The following LOC728743 variants were observed in gnomAD, a reference collection of about 807,000 sequenced individuals.
the LOC728743 span, chr7:150,404,376 T>C: frequency 6.6e-6 from 1 of 152,228 alleles, no homozygotes; most frequent in Non-Finnish European, 1.5e-5. Flanking sequence ...GAACACAAGC[T>C]GGGCCACGGT....
the LOC728743 span, chr7:150,410,465 G>A: frequency 2.8e-6 from 1 of 352,944 alleles, no homozygotes; most frequent in South Asian, 1.5e-4. Context: ...ACTGGTGGTA[G>A]GACGATGCCT....
chr7:150,403,734 T>C, the LOC728743 span, among the ~76,000 whole-genome samples: 3 of 151,964 alleles, frequency 2.0e-5, no homozygotes, highest in East Asian at 5.8e-4. This position sits in a 1 kb window ranked among gnomAD's most constrained non-coding sequence, Gnocchi z 5.1. Context: ...CCGTGGGACG[T>C]GGAACTCCTA....
At chr7:150,405,294 G>T in the LOC728743 span, 3 of 152,276 alleles carry the variant, frequency 2.0e-5, no homozygotes, top group Non-Finnish European at 2.9e-5. Context: ...CAGCGGAGAC[G>T]GAAGGCTCGG....
chr7:150,404,130 GGA>G, the LOC728743 span, among the ~76,000 whole-genome samples: 2 of 152,344 alleles, frequency 1.3e-5, no homozygotes, highest in African/African-American at 4.8e-5. Context: ...CCTGGGCCTT[GGA>G]GAGAGAGTCG....
the LOC728743 span, among the ~76,000 whole-genome samples, chr7:150,401,605 T>A: frequency 6.6e-6 from 1 of 152,172 alleles, no homozygotes. Flanking sequence ...GAGAGGGAAA[T>A]GAATGGACTC....
the LOC728743 span, among the ~76,000 whole-genome samples, chr7:150,401,653 C>A: frequency 6.6e-6 from 1 of 152,188 alleles, no homozygotes; most frequent in Non-Finnish European, 1.5e-5. Flanking sequence ...AGAACAGCCT[C>A]TTTTGGGTTG....
chr7:150,403,442 C>T, the LOC728743 span, among the ~76,000 whole-genome samples: 2 of 152,202 alleles, frequency 1.3e-5, no homozygotes, highest in African/African-American at 4.8e-5. The surrounding 1 kb of genome is among the most constrained non-coding windows in gnomAD (Gnocchi z 5.1). Flanking sequence ...CATCCTCAGG[C>T]ATATTATTGA....
the LOC728743 span, chr7:150,410,639 CT>C: frequency 0.25 from 39,476 of 157,218 alleles, 5,134 homozygotes; most frequent in East Asian, 0.39. Context: ...CTTCATTTTC[CT>C]TTCTGAGCAG....
the LOC728743 span, among the ~76,000 whole-genome samples, chr7:150,409,859 T>C: frequency 6.6e-6 from 1 of 152,168 alleles, no homozygotes; most frequent in Non-Finnish European, 1.5e-5. Context: ...CCTCGGAGAC[T>C]GTCCTCTGCC....
At chr7:150,409,703 G>A in the LOC728743 span, among the ~76,000 whole-genome samples, 14 of 152,096 alleles carry the variant, frequency 9.2e-5, no homozygotes, top group Non-Finnish European at 2.1e-4. Flanking sequence ...GTGTTTGAAG[G>A]GGACATGGCA....
At chr7:150,407,958 G>T in the LOC728743 span, 1 of 406,298 alleles carries the variant, frequency 2.5e-6, no homozygotes, top group Non-Finnish European at 4.4e-6. Context: ...ACGCACCAGC[G>T]CATCCACAGC....
At chr7:150,405,925 A>T in the LOC728743 span, 2 of 152,452 alleles carry the variant, frequency 1.3e-5, no homozygotes, top group African/African-American at 4.8e-5. Context: ...CATGGGAGGA[A>T]AGAACTTGGG....
the LOC728743 span, chr7:150,408,349 G>C: frequency 2.8e-6 from 1 of 363,332 alleles, no homozygotes; most frequent in Non-Finnish European, 4.9e-6. Context: ...GCGCTGGCTT[G>C]GGCTCTTGAA....
chr7:150,404,392 G>A, the LOC728743 span: 1 of 152,186 alleles, frequency 6.6e-6, no homozygotes, highest in Non-Finnish European at 1.5e-5. Flanking sequence ...ACGGTGCTGG[G>A]TCACGGTGCC....
the LOC728743 span, among the ~76,000 whole-genome samples, chr7:150,409,444 C>G: frequency 6.6e-6 from 1 of 152,196 alleles, no homozygotes. Context: ...GCTCCAGGAC[C>G]TCTGGTTCCA....
chr7:150,405,235 C>T, the LOC728743 span: 2 of 152,224 alleles, frequency 1.3e-5, no homozygotes, highest in African/African-American at 4.8e-5. Flanking sequence ...ACCTCCCAGC[C>T]TCACGGGGCT....
At chr7:150,408,722 C>T in the LOC728743 span, among the ~76,000 whole-genome samples, 1 of 152,244 alleles carries the variant, frequency 6.6e-6, no homozygotes, top group Non-Finnish European at 1.5e-5. Flanking sequence ...CCTCCTGGCT[C>T]CTGTACACAC....
chr7:150,407,124 C>T, the LOC728743 span, among the ~76,000 whole-genome samples: 2 of 152,148 alleles, frequency 1.3e-5, no homozygotes, highest in Non-Finnish European at 2.9e-5. Flanking sequence ...GAAACTGAAA[C>T]TGAAAATCCT....
At chr7:150,410,405 T>G in the LOC728743 span, 4 of 385,798 alleles carry the variant, frequency 1.0e-5, no homozygotes, top group Non-Finnish European at 1.8e-5. Context: ...GAATCACAGC[T>G]GGGGCAGACC....
Sources: allele counts gnomAD v4.1 joint callset (sites outside exome capture counted in the v4.1 genomes callset), GRCh38; gene constraint gnomAD v4.1.1; non-coding constraint Gnocchi (gnomAD v3.1); transcripts MANE v1.5.